LRRIQ1: variants seen among roughly 807,000 people sequenced by gnomAD.
LRRIQ1 encodes the protein leucine-rich repeat- and IQ domain-containing protein 1.
A neutral mutation model predicts 211.9 loss-of-function variants in LRRIQ1; 210 were observed. The observed-to-expected ratio is 0.99, with a 90% CI of 0.89 to 1.11. The LOEUF is 1.11. LRRIQ1 is among the 50% of genes most tolerant of loss of function. LRRIQ1 has a pLI of 0.00. For synonymous variants in LRRIQ1, 699 were observed against 650.1 expected (o/e 1.08, Z -1.14); for missense variants, 2,136 against 1,939.5 (o/e 1.10, Z -1.90).
intron 19 of LRRIQ1, 34 bp downstream of exon 19, chr12:85,138,003 T>TA (rs1316715048): frequency 1.7e-6 from 2 of 1,175,358 alleles, no homozygotes; most frequent in Non-Finnish European, 2.4e-6. Context: ...AATATTGGTC[T>TA]TAAAATACAT....
intron 6 of LRRIQ1, among the ~76,000 whole-genome samples, chr12:85,051,667 T>C (rs1041528672): frequency 6.6e-6 from 1 of 152,220 alleles, no homozygotes; most frequent in East Asian, 1.9e-4. Flanking sequence ...AAATTTATGA[T>C]AGTGTCTTCA....
At position 85,124,161 on chromosome 12, in the gene LRRIQ1, C is replaced by T. The variant is rs374902495; in HGVS notation, c.3649C>T (p.Arg1217Ter). The T allele has an allele frequency of 3.7e-5, 60 of 1,614,012 alleles. No homozygotes were observed. Among genetic ancestry groups the T allele is most frequent in the East Asian group, 2.0e-4 (9 of 44,872 alleles). Residue 1217 changes from arginine (R) to a stop codon, truncating the protein, a stop_gained, in exon 17 of 27, where the codon CGA becomes TGA. Transcript: ENST00000393217. LOFTEE classifies it high-confidence loss of function. ...TACTGAATACCGACATGCACACGAACGAGGGGATGTAACTATCACCAAGAA... is the reference window on the plus strand; with the variant it reads ...TACTGAATACCGACATGCACACGAATGAGGGGATGTAACTATCACCAAGAA... The part of the protein sequence containing the change: ...LSTEYRHAHE[R>*]GDVTITKKDE...
At chr12:85,213,732 T>C (rs892557752) in intron 24 of LRRIQ1, among the ~76,000 whole-genome samples, 1 of 151,928 alleles carries the variant, frequency 6.6e-6, no homozygotes, top group Non-Finnish European at 1.5e-5. Context: ...TAAAAACTTA[T>C]GAGTAGAAGA....
At chr12:85,125,036 G>A (rs535959202) in intron 17 of LRRIQ1, among the ~76,000 whole-genome samples, 4 of 151,952 alleles carry the variant, frequency 2.6e-5, no homozygotes, top group Non-Finnish European at 4.4e-5. Flanking sequence ...AAAATTAGCC[G>A]GGCGTTGTGG....
chr12:85,076,488 C>A, intron 11 of LRRIQ1: 1 of 247,942 alleles, frequency 4.0e-6, no homozygotes, highest in Non-Finnish European at 6.4e-6. Flanking sequence ...AATTTCACAT[C>A]ATATATTCCT....
chr12:85,231,616 G>A (rs1022537793), intron 25 of LRRIQ1, among the ~76,000 whole-genome samples: 6 of 152,092 alleles, frequency 3.9e-5, no homozygotes, highest in African/African-American at 1.4e-4. Flanking sequence ...CTGATGCCAG[G>A]TCACAACATG....
intron 19 of LRRIQ1, among the ~76,000 whole-genome samples, chr12:85,147,400 C>T (rs1245326833): frequency 6.6e-6 from 1 of 151,760 alleles, no homozygotes; most frequent in Non-Finnish European, 1.5e-5. Context: ...TCCAGTCATT[C>T]TTATTAGGGA....
intron 15 of LRRIQ1, among the ~76,000 whole-genome samples, chr12:85,110,210 G>A (rs768151518): frequency 6.6e-6 from 1 of 152,044 alleles, no homozygotes; most frequent in Non-Finnish European, 1.5e-5. Flanking sequence ...GTCCTAACAT[G>A]TTGGACATTA....
At chr12:85,112,302 C>G (rs1309768532) in intron 15 of LRRIQ1, among the ~76,000 whole-genome samples, 2 of 151,248 alleles carry the variant, frequency 1.3e-5, no homozygotes, top group East Asian at 3.9e-4. Flanking sequence ...ATATTATTTC[C>G]TCTCTTTTAT....
At chr12:85,206,505 G>A (rs952254224) in intron 24 of LRRIQ1, among the ~76,000 whole-genome samples, 1 of 152,086 alleles carries the variant, frequency 6.6e-6, no homozygotes, top group African/African-American at 2.4e-5. Context: ...GGTCCAGTGG[G>A]GTACACACAC....
chr12:85,097,972 A>T (rs1886035821), intron 11 of LRRIQ1, among the ~76,000 whole-genome samples: 1 of 152,182 alleles, frequency 6.6e-6, no homozygotes, highest in Non-Finnish European at 1.5e-5. Context: ...CTATACATGC[A>T]ACCTGAAGCA....
the LRRIQ1 span, among the ~76,000 whole-genome samples, chr12:85,272,139 T>C: frequency 6.6e-6 from 1 of 152,194 alleles, no homozygotes; most frequent in Non-Finnish European, 1.5e-5. Flanking sequence ...AAGAAGCTAA[T>C]ATACCTTAAA....
intron 18 of LRRIQ1, among the ~76,000 whole-genome samples, chr12:85,129,276 C>A (rs570083709): frequency 6.6e-6 from 1 of 152,076 alleles, no homozygotes; most frequent in Non-Finnish European, 1.5e-5. Flanking sequence ...CAACAAGATT[C>A]CTACCTTCAT....
At chr12:85,064,043 C>G (rs11116694) in intron 8 of LRRIQ1, among the ~76,000 whole-genome samples, 4 of 151,516 alleles carry the variant, frequency 2.6e-5, no homozygotes, top group Non-Finnish European at 4.4e-5. Flanking sequence ...TTTCTTTCGG[C>G]TATATACCTA....
chr12:85,168,971 C>T (rs1891282068), intron 24 of LRRIQ1, among the ~76,000 whole-genome samples: 1 of 152,122 alleles, frequency 6.6e-6, no homozygotes, highest in South Asian at 2.1e-4. Context: ...TAAAACTAAC[C>T]TGTCTCACAA....
intron 15 of LRRIQ1, 94 bp downstream of exon 15, chr12:85,106,709 G>A: frequency 1.3e-6 from 1 of 777,130 alleles, no homozygotes; most frequent in Non-Finnish European, 2.1e-6. Context: ...AATTACCTAG[G>A]ATAAGTTAAT....
chr12:85,077,371 T>G (rs1883777381), intron 11 of LRRIQ1, among the ~76,000 whole-genome samples: 1 of 152,182 alleles, frequency 6.6e-6, no homozygotes, highest in Non-Finnish European at 1.5e-5. Context: ...CTAGGAAACT[T>G]TAAAAGAGCT....
intron 23 of LRRIQ1, among the ~76,000 whole-genome samples, chr12:85,154,830 A>C (rs1890453462): frequency 6.6e-6 from 1 of 151,204 alleles, no homozygotes; most frequent in Non-Finnish European, 1.5e-5. Context: ...TTGTTTTCTA[A>C]AGTTCTTACT....
intron 14 of LRRIQ1, among the ~76,000 whole-genome samples, chr12:85,105,457 C>A (rs924300070): frequency 6.6e-6 from 1 of 151,662 alleles, no homozygotes; most frequent in African/African-American, 2.4e-5. Flanking sequence ...TTTTCATAAT[C>A]GAATTACTTT....
Sources: gnomAD v4.1 joint callset for allele counts (sites outside exome capture counted in the v4.1 genomes callset) on GRCh38, gnomAD v4.1.1 for gene constraint, MANE v1.5 for transcripts, NCBI Gene and HGNC (gene_info 2026-07-23, HGNC 2026-07-21) for gene names.